The following GSTCD variants were observed in gnomAD, a reference collection of about 807,000 sequenced individuals.
GSTCD encodes the protein glutathione S-transferase C-terminal domain-containing protein.
Under a neutral mutation model 68.3 loss-of-function variants are expected in GSTCD, and 44 were observed. That is an observed-to-expected ratio of 0.64 (90% confidence interval 0.51 to 0.83). GSTCD has a LOEUF of 0.83. Ranked by LOEUF, GSTCD falls within the 40% of genes least tolerant of loss-of-function variation. The probability of loss-of-function intolerance (pLI) is 0.00; values close to 1 mark genes in which losing one functional copy is unlikely to be tolerated. For missense variants in GSTCD, 739 were observed against 735.9 expected (o/e 1.00, Z -0.05); for synonymous variants, 273 against 255.2 (o/e 1.07, Z -0.67).
At chr4:105,762,684 AC>A (rs1490128837) in intron 5 of GSTCD, among the ~76,000 whole-genome samples, 1 of 152,114 alleles carries the variant, frequency 6.6e-6, no homozygotes, top group Non-Finnish European at 1.5e-5. Flanking sequence ...TTATTTACAG[AC>A]CCACATAAGC....
intron 9 of GSTCD, among the ~76,000 whole-genome samples, chr4:105,836,832 T>C (rs1258905248): frequency 6.6e-6 from 1 of 152,230 alleles, no homozygotes; most frequent in East Asian, 1.9e-4. Flanking sequence ...AAAGTTTCTT[T>C]GTGAATAAGA....
At chr4:105,766,622 C>T (rs1403739453) in intron 5 of GSTCD, among the ~76,000 whole-genome samples, 1 of 152,080 alleles carries the variant, frequency 6.6e-6, no homozygotes, top group Admixed American at 6.6e-5. Context: ...GTAAATTACA[C>T]TCATGTTCAT....
In GSTCD at chr4:105,717,852, A is replaced by C. The variant is rs1732730782; in HGVS notation, c.239A>C (p.Glu80Ala). The C allele has an allele frequency of 6.2e-7, 1 of 1,614,098 alleles. No individual in the cohort carries two copies. Among genetic ancestry groups the C allele is most frequent in the African/African-American group, 1.3e-5 (1 of 75,050 alleles). Reference protein sequence around the residue: ...DVEIQIISRQELPPIVQNCCL... With the variant: ...DVEIQIISRQALPPIVQNCCL... ...GAAATACAGATTATTTCAAGGCAGG[A>C]GCTCCCACCAATAGTCCAAAATTGC... The change falls in exon 2 of 12, where the codon GAG (glutamate) becomes GCG (alanine). Residue 80 changes from glutamate to alanine, a missense_variant. Transcript: ENST00000515279.
intron 5 of GSTCD, among the ~76,000 whole-genome samples, chr4:105,734,883 A>C (rs1372306289): frequency 6.6e-6 from 1 of 152,026 alleles, no homozygotes; most frequent in Non-Finnish European, 1.5e-5. Flanking sequence ...TCTGTTTGTT[A>C]GTTTTCCTTC....
At chr4:105,752,551 T>A (rs1297519288) in intron 5 of GSTCD, among the ~76,000 whole-genome samples, 2 of 152,080 alleles carry the variant, frequency 1.3e-5, no homozygotes, top group Admixed American at 1.3e-4. Context: ...TTATTTTATT[T>A]AGGTCATATG....
chr4:105,736,136 A>G (rs2149217016), intron 5 of GSTCD, among the ~76,000 whole-genome samples: 1 of 152,066 alleles, frequency 6.6e-6, no homozygotes, highest in South Asian at 2.1e-4. Flanking sequence ...TATATTTTAT[A>G]TTTTGTGTTT....
At chr4:105,768,435 A>C (rs1455284097) in intron 5 of GSTCD, among the ~76,000 whole-genome samples, 1 of 152,118 alleles carries the variant, frequency 6.6e-6, no homozygotes, top group East Asian at 1.9e-4. Flanking sequence ...TAGGTTTAAA[A>C]ATTTTCCTTT....
intron 10 of GSTCD, chr4:105,840,315 C>A (rs563663127): frequency 5.3e-6 from 2 of 379,916 alleles, no homozygotes; most frequent in Non-Finnish European, 1.1e-5. Flanking sequence ...TCTCTCCTTT[C>A]GTTGATGCCT....
intron 5 of GSTCD, among the ~76,000 whole-genome samples, chr4:105,781,816 A>G (rs1436342862): frequency 6.9e-6 from 1 of 144,410 alleles, no homozygotes; most frequent in Non-Finnish European, 1.5e-5. Flanking sequence ...TTTTTTTTTT[A>G]ACAAAGATAA....
intron 5 of GSTCD, among the ~76,000 whole-genome samples, chr4:105,816,932 C>A (rs1723020686): frequency 6.6e-6 from 1 of 152,022 alleles, no homozygotes; most frequent in East Asian, 1.9e-4. Flanking sequence ...ACCCTAACAA[C>A]CTGACAGAGT....
intron 5 of GSTCD, among the ~76,000 whole-genome samples, chr4:105,768,547 A>G (rs974317161): frequency 2.0e-5 from 3 of 152,166 alleles, no homozygotes; most frequent in Admixed American, 6.6e-5. Context: ...AAAATAAAAC[A>G]TCTTTTATAT....
chr4:105,765,711 G>T (rs1315100976), intron 5 of GSTCD, among the ~76,000 whole-genome samples: 4 of 152,146 alleles, frequency 2.6e-5, no homozygotes, highest in Admixed American at 2.0e-4. Flanking sequence ...ACATGTTGCG[G>T]GAGGGACCTT....
chr4:105,718,557 C>A (rs1670551775), intron 2 of GSTCD, among the ~76,000 whole-genome samples: 1 of 152,154 alleles, frequency 6.6e-6, no homozygotes, highest in African/African-American at 2.4e-5. Context: ...AATTACTCAG[C>A]CTCACCTATT....
At chr4:105,765,788 A>G (rs1267482830) in intron 5 of GSTCD, among the ~76,000 whole-genome samples, 1 of 152,080 alleles carries the variant, frequency 6.6e-6, no homozygotes, top group Non-Finnish European at 1.5e-5. Context: ...ATGAGTTCTC[A>G]TGAGATCTGA....
intron 3 of GSTCD, among the ~76,000 whole-genome samples, chr4:105,721,333 T>C (rs1022115089): frequency 2.0e-5 from 3 of 152,246 alleles, no homozygotes; most frequent in Non-Finnish European, 4.4e-5. Context: ...ATAGTGGTTA[T>C]GTTGGCAAGC....
At chr4:105,723,621 C>A (rs1732940184) in intron 3 of GSTCD, among the ~76,000 whole-genome samples, 1 of 151,650 alleles carries the variant, frequency 6.6e-6, no homozygotes, top group Non-Finnish European at 1.5e-5. Context: ...TGATACAGGT[C>A]TTGGAACCAA....
chr4:105,776,567 C>T (rs937035485), intron 5 of GSTCD, among the ~76,000 whole-genome samples: 1 of 152,166 alleles, frequency 6.6e-6, no homozygotes. Context: ...CACAGTTCCT[C>T]AGGGCTTCCC....
intron 1 of GSTCD, among the ~76,000 whole-genome samples, chr4:105,716,265 G>A (rs192024819): frequency 6.6e-6 from 1 of 152,226 alleles, no homozygotes; most frequent in Non-Finnish European, 1.5e-5. Context: ...GTGGGGATTG[G>A]GGTTTGTGAT....
chr4:105,760,484 T>A (rs1422371893), intron 5 of GSTCD, among the ~76,000 whole-genome samples: 1 of 152,204 alleles, frequency 6.6e-6, no homozygotes, highest in East Asian at 1.9e-4. Context: ...GCATTGCATT[T>A]TAAAAATATA....
Sources: gnomAD v4.1 joint callset for allele counts (sites outside exome capture counted in the v4.1 genomes callset) on GRCh38, gnomAD v4.1.1 for gene constraint, MANE v1.5 for transcripts, NCBI Gene and HGNC (gene_info 2026-07-23, HGNC 2026-07-21) for gene names.